Variants in INO80 observed in about 807,000 individuals in gnomAD.
INO80 encodes the protein chromatin-remodeling ATPase INO80.
In INO80, 20 loss-of-function variants were observed where a neutral mutation model predicts 203.4. The ratio of observed to expected loss-of-function variants is 0.10; its 90% CI spans 0.07 to 0.14. The LOEUF is 0.14. INO80 is among the 10% of genes least tolerant of loss of function. The pLI is 1.00. For missense variants in INO80, 1,419 were observed against 1,914.4 expected, an observed-to-expected ratio of 0.74 and a Z score of 4.83; for synonymous variants, 726 against 685.2, an observed-to-expected ratio of 1.06 and a Z score of -0.93.
intron 14 of INO80, 193 bp downstream of exon 14, chr15:41,069,377 A>T (rs2045275896): frequency 2.3e-6 from 1 of 440,122 alleles, no homozygotes; most frequent in Non-Finnish European, 4.0e-6. Flanking sequence ...TCACCATGTT[A>T]GCCAGGATGA....
chr15:40,997,729 G>A, intron 28 of INO80, 128 bp from the exon 29 acceptor site: 1 of 639,070 alleles, frequency 1.6e-6, no homozygotes, highest in Non-Finnish European at 2.9e-6. Flanking sequence ...GGTTACCTAG[G>A]CCTGACTGTA....
intron 24 of INO80, among the ~76,000 whole-genome samples, chr15:41,037,115 A>C (rs1472234491): frequency 1.3e-5 from 2 of 150,210 alleles, no homozygotes; most frequent in Non-Finnish European, 2.9e-5. Flanking sequence ...AAAACAAAAC[A>C]AAACAAAACA....
intron 1 of INO80, among the ~76,000 whole-genome samples, chr15:41,104,590 T>G (rs1050308249): frequency 6.6e-6 from 1 of 152,062 alleles, no homozygotes. Context: ...CAGGCTGGAG[T>G]GCAGTGGTCC....
intron 6 of INO80, among the ~76,000 whole-genome samples, chr15:41,086,288 G>A (rs2045563059): frequency 6.6e-6 from 1 of 152,120 alleles, no homozygotes; most frequent in South Asian, 2.1e-4. Context: ...AGTGTGTGGA[G>A]GGTGAGAAAA....
rs76402231 is a variant in INO80 at position 41,097,191 on chromosome 15, G to A, written c.-43-838C>T. Among the ~76,000 whole-genome samples the A allele has an allele frequency of 7.1e-3, 1,075 of 152,118 alleles. 87 individuals carry two copies. The East Asian group carries it at 0.17, about 24-fold the overall frequency. On this transcript the variant is annotated intron_variant, in intron 1 of 35. Transcript: ENST00000648947. Reference sequence around the variant, plus strand: ...CTCCTGAGTAGCTGGGATTACAGGCGCCCACCACCACGCCCAGCTGATTTT... The same window carrying A: ...CTCCTGAGTAGCTGGGATTACAGGCACCCACCACCACGCCCAGCTGATTTT...
intron 28 of INO80, chr15:41,005,210 A>C (rs1416866502): frequency 2.6e-5 from 4 of 155,668 alleles, no homozygotes; most frequent in African/African-American, 7.2e-5. Context: ...CAAAAAAAAA[A>C]AAAAAAAAAA....
At chr15:41,099,495 C>T (rs560717547) in intron 1 of INO80, among the ~76,000 whole-genome samples, 1 of 151,964 alleles carries the variant, frequency 6.6e-6, no homozygotes, top group South Asian at 2.1e-4. Context: ...CTAAAAAATA[C>T]TTTTGGCCAG....
intron 24 of INO80, among the ~76,000 whole-genome samples, chr15:41,038,603 G>A (rs1404845495): frequency 6.6e-6 from 1 of 152,076 alleles, no homozygotes. Context: ...TTGAACTCTG[G>A]CTTTTTGAAG....
At chr15:41,046,907 T>C (rs2044777395) in intron 23 of INO80, among the ~76,000 whole-genome samples, 1 of 149,928 alleles carries the variant, frequency 6.7e-6, no homozygotes, top group East Asian at 2.0e-4. Context: ...TGTGAGCCAC[T>C]GCGCCTGGGC....
chr15:40,983,244 C>T (rs371373611), intron 34 of INO80, 167 bp from the exon 35 acceptor site: 22 of 596,846 alleles, frequency 3.7e-5, no homozygotes, highest in African/African-American at 3.5e-4. Context: ...CACTGAGTCA[C>T]ACAGAATACT....
Position 41,087,570 on chromosome 15 carries a change from T to C in INO80, c.650A>G (p.Lys217Arg). 6.2e-7 allele frequency: 1 copy of C among 1,613,852 alleles called. No individual in the cohort carries two copies. The highest frequency in any genetic ancestry group is 1.1e-5 in the South Asian group (1 of 91,062). Residue 217 changes from lysine to arginine, a missense_variant, in exon 6 of 36, where the codon AAA (lysine) becomes AGA (arginine). Around this residue, in one of 9 missense-constraint regions of INO80, gnomAD observed 323 missense variants for 325.4 expected, o/e 0.99. Transcript: ENST00000648947. ...PKKKKFKEEK[K>R]LKAKLKKVKK... The stretch of plus-strand genomic sequence containing the variant: ...CAGTTCAACATGCTCACCTTTAAGT[T>C]TCTTTTCCTCCTTAAATTTCTTTTT...
intron 7 of INO80, among the ~76,000 whole-genome samples, chr15:41,083,276 C>CA (rs1250245997): frequency 0.023 from 1,545 of 66,792 alleles, 23 homozygotes; most frequent in African/African-American, 0.053. Flanking sequence ...GACTCCGTCT[C>CA]AAAAAAAAAA....
chr15:41,081,132 A>C, intron 7 of INO80, 59 bp from the exon 8 acceptor site: 1 of 1,061,494 alleles, frequency 9.4e-7, no homozygotes. Context: ...AAGACTATGT[A>C]GAATGAACAG....
At position 41,116,017 on chromosome 15, in the gene INO80, G is replaced by A. The variant is rs1238396445; in HGVS notation, c.-88C>T. 2.6e-6 allele frequency: 1 copy of A among 391,604 alleles called. No homozygotes were observed. The highest frequency in any genetic ancestry group is 4.5e-6 in the Non-Finnish European group (1 of 221,584). The allele number at this position is 391,604 out of a possible 1,614,324, so 24.3% of individuals were successfully genotyped here. A position where few individuals can be genotyped will look rare whatever the true frequency, so the allele number is the denominator to read the frequency against. ...CCGCCGCGACGGCGGCGGAGGGGGG[G>A]CGGGGTGCGGGCGGGGTCCGGAGGG... On this transcript the variant is annotated 5_prime_UTR_variant, in exon 1 of 36. Coordinates refer to ENST00000648947, the MANE Select transcript of INO80 (RefSeq NM_017553.3).
Position 41,023,878 on chromosome 15 carries a change from A to T in INO80, c.3049-2753T>A, listed in dbSNP as rs563415924. The stretch of plus-strand genomic sequence containing the variant: ...CACAGATAACCGTTTTGATTTAAAA[A>T]TTTTTATTTATTTATTTATTTTGTA... On this transcript the variant is annotated intron_variant, in intron 25 of 35. Transcript: ENST00000648947. Among the ~76,000 whole-genome samples, 412 of 151,614 alleles carry T rather than the reference A, an allele frequency of 2.7e-3. 3 individuals carry two copies. The highest frequency in any genetic ancestry group is 0.013 in the South Asian group (62 of 4,822).
intron 4 of INO80, among the ~76,000 whole-genome samples, 153 bp downstream of exon 4, chr15:41,095,448 T>C (rs1596324438): frequency 6.6e-6 from 1 of 152,280 alleles, no homozygotes; most frequent in East Asian, 1.9e-4. Context: ...CCTCCAGATT[T>C]TCTCAATAAT....
At chr15:40,996,425 C>A (rs557878296) in intron 29 of INO80, among the ~76,000 whole-genome samples, 21 of 152,218 alleles carry the variant, frequency 1.4e-4, no homozygotes, top group African/African-American at 4.8e-4. Context: ...CGGGTTCAAG[C>A]GACTCTCCTG....
At position 40,980,304 on chromosome 15, in the gene INO80, G is replaced by T. The variant is rs369975587; in HGVS notation, c.4590C>A (p.Asn1530Lys). ...KGNNVPGNPK[N>K]LHMTSSLAPD... ...GGGCTAGGCTGCTGGTCATGTGGAG[G>T]TTCTTGGGATTCCCAGGAACATTAT... Residue 1530 changes from asparagine to lysine, a missense_variant, in exon 36 of 36, where the codon AAC becomes AAA. By Grantham distance (94) the Asn-to-Lys change is moderately conservative. Transcript: ENST00000648947. The T allele has an allele frequency of 3.6e-5, 58 of 1,613,866 alleles. No homozygotes were observed. Among genetic ancestry groups the T allele is most frequent in the Non-Finnish European group, 3.4e-6 (4 of 1,180,038 alleles).
intron 14 of INO80, among the ~76,000 whole-genome samples, chr15:41,061,450 C>CAAA (rs980593225): frequency 0.012 from 834 of 66,910 alleles, 20 homozygotes; most frequent in African/African-American, 0.037. Context: ...ACCAAAAATA[C>CAAA]AAAAAAAAAA....
Sources: gnomAD v4.1 joint callset for allele counts (sites outside exome capture counted in the v4.1 genomes callset) on GRCh38, gnomAD v4.1.1 for gene constraint, gnomAD v4.1.1 regional missense constraint, MANE v1.5 for transcripts, NCBI Gene and HGNC (gene_info 2026-07-23, HGNC 2026-07-21) for gene names.